Variants in ZNF581 observed in about 807,000 individuals in gnomAD.
The protein encoded by ZNF581 is zinc finger protein 581.
Under a neutral mutation model 1.2 loss-of-function variants are expected in ZNF581, and 1 was observed. The ratio of observed to expected loss-of-function variants is 0.83; its 90% CI spans 0.30 to 3.95. ZNF581 has a LOEUF of 3.95. ZNF581 is among the 30% of genes most tolerant of loss of function. The pLI is 0.18. For missense variants in ZNF581, 273 were observed against 274.6 expected (o/e 0.99, Z 0.04); for synonymous variants, 105 against 109.2 (o/e 0.96, Z 0.24).
upstream of ZNF581, chr19:55,640,026 C>A: frequency 3.1e-6 from 2 of 640,814 alleles, no homozygotes; most frequent in Non-Finnish European, 3.9e-6. Context: ...TCCACCATTG[C>A]AGAAAGTTCT....
upstream of ZNF581, among the ~76,000 whole-genome samples, chr19:55,638,217 G>T (rs547132942): frequency 6.6e-6 from 1 of 152,180 alleles, no homozygotes; most frequent in East Asian, 1.9e-4. Context: ...AGACTGGCAG[G>T]AGGTGACACG....
upstream of ZNF581, chr19:55,641,127 C>T (rs1472695271): frequency 2.0e-6 from 2 of 984,818 alleles, no homozygotes; most frequent in East Asian, 1.1e-4. Context: ...CAGGGGAAGC[C>T]CGGGGCCGCC....
chr19:55,643,152 GTTT>G (rs34506180), upstream of ZNF581: 966,805 of 1,261,374 alleles, frequency 0.77, 372,413 homozygotes, highest in Admixed American at 0.84. Flanking sequence ...CTGGGCCTCA[GTTT>G]CCCCACCTTC....
At chr19:55,642,085 A>T (rs1982531240), upstream of ZNF581, 1 of 991,386 alleles carries the variant, frequency 1.0e-6, no homozygotes, top group Non-Finnish European at 1.2e-6. Context: ...ACAGGAAAAA[A>T]GAAGAAACCA....
chr19:55,640,819 T>G, upstream of ZNF581: 1 of 985,462 alleles, frequency 1.0e-6, no homozygotes, highest in Non-Finnish European at 1.2e-6. Context: ...CGATCTCTTG[T>G]CAAGCGGCGG....
upstream of ZNF581, chr19:55,643,512 G>GC (rs376148174): frequency 0.044 from 2,097 of 48,010 alleles, 21 homozygotes; most frequent in Non-Finnish European, 0.078. Context: ...GTTGGGTGCT[G>GC]GGGGGTGGAG....
At chr19:55,640,789 C>T (rs1982407880), upstream of ZNF581, 2 of 985,398 alleles carry the variant, frequency 2.0e-6, no homozygotes, top group Non-Finnish European at 2.4e-6. Flanking sequence ...CGTAACTTTG[C>T]TTAGTCTCGG....
chr19:55,645,081 A>C lies in ZNF581; in HGVS notation c.510A>C (p.Glu170Asp), dbSNP rs11084406. 2 of 1,557,824 alleles carry C rather than the reference A, an allele frequency of 1.3e-6. No individual in the cohort carries two copies. The highest frequency in any genetic ancestry group is 8.7e-7 in the Non-Finnish European group (1 of 1,147,000). ...AGCACAGCCGGGTGCACTCTGGGGA[A>C]CGCCCGTTTCAGTGTCCACACTGCC... The part of the protein sequence containing the change: ...LAQHSRVHSG[E>D]RPFQCPHCPR... The change falls in exon 2 of 2, where the codon GAA (glutamate) becomes GAC (aspartate). Residue 170 changes from glutamate (E) to aspartate (D), a missense_variant. Glu to Asp is a conservative substitution (Grantham distance 45). Coordinates refer to ENST00000270451, the MANE Select transcript of ZNF581 (RefSeq NM_016535.4).
At position 55,644,688 on chromosome 19, in the gene ZNF581, C is replaced by T. The variant is rs765722414; in HGVS notation, c.117C>T (p.Ile39=). ...RSPEPGPSSS[I]GSPQASSPPR... ...CAGAACCTGGACCTTCCTCCTCCAT[C>T]GGATCTCCCCAGGCTTCATCTCCTC... is the stretch of plus-strand genomic sequence containing the variant. The change falls in exon 2 of 2, where the codon ATC becomes ATT. Residue 39 remains isoleucine (I), a synonymous_variant. Coordinates refer to ENST00000270451, the MANE Select transcript of ZNF581 (RefSeq NM_016535.4). The surrounding 1 kb of genome is among the most constrained non-coding windows in gnomAD (Gnocchi z 4.3). The T allele has an allele frequency of 8.1e-6, 13 of 1,613,250 alleles. No homozygotes were observed. Among genetic ancestry groups the T allele is most frequent in the South Asian group, 1.1e-5 (1 of 90,902 alleles).
At chr19:55,638,110 T>C (rs928833693), upstream of ZNF581, among the ~76,000 whole-genome samples, 3 of 152,120 alleles carry the variant, frequency 2.0e-5, no homozygotes, top group Non-Finnish European at 4.4e-5. Context: ...ATACAGGACG[T>C]GTGGTCCTGG....
rs373903483 is a variant in ZNF581 at position 55,644,917 on chromosome 19, G to C, written c.346G>C (p.Glu116Gln). Residue 116 changes from glutamate to glutamine, a missense_variant, in exon 2 of 2, where the codon GAG becomes CAG. Glu to Gln is a conservative substitution (Grantham distance 29). Coordinates refer to ENST00000270451, the MANE Select transcript of ZNF581 (RefSeq NM_016535.4). The surrounding 1 kb of genome is among the most constrained non-coding windows in gnomAD (Gnocchi z 4.3). ...SITHSEVKPF[E>Q]CDICGKAFKR... ...CACCCACTCGGAGGTAAAGCCCTTC[G>C]AGTGTGACATCTGTGGGAAGGCATT... 3 of 1,613,822 alleles carry C rather than the reference G, an allele frequency of 1.9e-6. No homozygotes were observed. Among genetic ancestry groups the C allele is most frequent in the South Asian group, 1.1e-5 (1 of 91,086 alleles).
upstream of ZNF581, chr19:55,643,027 A>C (rs1461260421): frequency 1.5e-6 from 2 of 1,359,896 alleles, no homozygotes; most frequent in East Asian, 6.1e-5. Context: ...GCCTCCACTA[A>C]GCTCGAGACC....
At chr19:55,642,894 T>G, upstream of ZNF581, 1 of 1,557,398 alleles carries the variant, frequency 6.4e-7, no homozygotes, top group Non-Finnish European at 8.6e-7. Context: ...GGCAAGGCCT[T>G]CAAGCGCTCC....
At chr19:55,642,859 C>T, upstream of ZNF581, 1 of 1,571,512 alleles carries the variant, frequency 6.4e-7, no homozygotes, top group Non-Finnish European at 8.6e-7. Context: ...ACTCGGACCT[C>T]AAGCCCTTCA....
At chr19:55,637,311 G>A (rs1050486646), upstream of ZNF581, among the ~76,000 whole-genome samples, 3 of 152,282 alleles carry the variant, frequency 2.0e-5, no homozygotes, top group African/African-American at 4.8e-5. Context: ...TGAGGCAGGC[G>A]GATCGCTTGA....
upstream of ZNF581, chr19:55,643,636 C>G (rs1229688852): frequency 6.6e-6 from 1 of 152,408 alleles, no homozygotes; most frequent in East Asian, 1.9e-4. Flanking sequence ...CCTCTTCTCT[C>G]CCTTCGGCTT....
At chr19:55,643,358 T>G, upstream of ZNF581, 1 of 313,616 alleles carries the variant, frequency 3.2e-6, no homozygotes, top group Non-Finnish European at 6.2e-6. Context: ...AACCGGTGGT[T>G]GTCTGCGGGG....
upstream of ZNF581, among the ~76,000 whole-genome samples, chr19:55,636,539 CA>C (rs1221963666): frequency 6.6e-6 from 1 of 152,238 alleles, no homozygotes; most frequent in East Asian, 1.9e-4. Flanking sequence ...TTCATTCAAC[CA>C]ATATCGAATT....
At chr19:55,635,717 G>A (rs1325929263) in intron 1 of ZNF581, 1 of 988,112 alleles carries the variant, frequency 1.0e-6, no homozygotes, top group Non-Finnish European at 1.2e-6. Context: ...GAACAGGTTG[G>A]GTGAGGGCAA....
Sources: allele counts gnomAD v4.1 joint callset (sites outside exome capture counted in the v4.1 genomes callset), GRCh38; gene constraint gnomAD v4.1.1; non-coding constraint Gnocchi (gnomAD v3.1); transcripts MANE v1.5; gene names NCBI Gene and HGNC (gene_info 2026-07-23, HGNC 2026-07-21).